The following CPNE2 variants were observed in gnomAD, a reference collection of about 807,000 sequenced individuals.
The protein encoded by CPNE2 is copine 2.
In CPNE2, 42 loss-of-function variants were observed where a neutral mutation model predicts 69.7. That is an observed-to-expected ratio of 0.60 (90% confidence interval 0.47 to 0.78). The LOEUF (loss-of-function observed/expected upper bound fraction) is 0.78, where lower values mean the gene tolerates loss of function less well. Ranked by LOEUF, CPNE2 falls within the 30% of genes least tolerant of loss-of-function variation. CPNE2 has a pLI of 0.00. For synonymous variants in CPNE2, 294 were observed against 289.8 expected (o/e 1.01, Z -0.15); for missense variants, 587 against 732.0 (o/e 0.80, Z 2.29).
chr16:57,096,671 C>A (rs1462724960), intron 1 of CPNE2, among the ~76,000 whole-genome samples: 2 of 149,872 alleles, frequency 1.3e-5, no homozygotes, highest in East Asian at 2.0e-4. Context: ...TGTACTCCAA[C>A]CTCGGTGAAA....
At chr16:57,110,224 CTTTTTT>C (rs145923720) in intron 1 of CPNE2, among the ~76,000 whole-genome samples, 1 of 119,058 alleles carries the variant, frequency 8.4e-6, no homozygotes, top group Non-Finnish European at 1.8e-5. Context: ...CTTTTCTTTT[CTTTTTT>C]TTTTTTTTTT....
rs56033855 is a variant in CPNE2, at chr16:57,146,351, G to C, written c.1539+30G>C. Reference sequence around the variant, plus strand: ...GTGTGGGCCTGGGCTGGGAGGGGGCGGTTACAGGATCCCAGCCACCATAGC... The same window carrying C: ...GTGTGGGCCTGGGCTGGGAGGGGGCCGTTACAGGATCCCAGCCACCATAGC... On this transcript the variant is annotated intron_variant, in intron 15 of 15. Coordinates refer to ENST00000290776, the MANE Select transcript of CPNE2 (RefSeq NM_152727.6). The surrounding 1 kb of genome is among the most constrained non-coding windows in gnomAD (Gnocchi z 4.4). 3 of 1,507,794 alleles carry C rather than the reference G, an allele frequency of 2.0e-6. No individual in the cohort carries two copies. The highest frequency in any genetic ancestry group is 1.4e-5 in the African/African-American group (1 of 72,456). The allele number at this position is 1,507,794 out of a possible 1,614,324, so 93.4% of individuals were successfully genotyped here.
intron 1 of CPNE2, among the ~76,000 whole-genome samples, chr16:57,098,531 G>A (rs1410747350): frequency 2.6e-5 from 4 of 152,224 alleles, no homozygotes; most frequent in African/African-American, 9.7e-5. Context: ...GGGCAGCCAG[G>A]CTGTGGCCAG....
rs776650103 is a variant in CPNE2 at position 57,146,248 on chromosome 16, T to C, written c.1466T>C (p.Met489Thr). 3 of 1,559,110 alleles carry C rather than the reference T, an allele frequency of 1.9e-6. No homozygotes were observed. Among genetic ancestry groups the C allele is most frequent in the Non-Finnish European group, 2.6e-6 (3 of 1,150,842 alleles). ...AMEFLDGDSR[M>T]LRSHTGEEAA... ...GAGTTCCTGGATGGGGACAGCCGCA[T>C]GCTGCGCTCCCACACGGGGGAGGAG... Residue 489 changes from methionine to threonine, a missense_variant, in exon 15 of 16, where the codon ATG becomes ACG. Coordinates refer to ENST00000290776, the MANE Select transcript of CPNE2 (RefSeq NM_152727.6). The surrounding 1 kb of genome is among the most constrained non-coding windows in gnomAD (Gnocchi z 4.4).
intron 1 of CPNE2, among the ~76,000 whole-genome samples, chr16:57,107,589 G>A (rs2069655730): frequency 6.6e-6 from 1 of 152,218 alleles, no homozygotes; most frequent in South Asian, 2.1e-4. Context: ...GATCCTTCCT[G>A]CCTGGAGGAC....
At chr16:57,102,145 G>T (rs2069618582) in intron 1 of CPNE2, among the ~76,000 whole-genome samples, 1 of 152,102 alleles carries the variant, frequency 6.6e-6, no homozygotes, top group African/African-American at 2.4e-5. Context: ...TAGAGACAGG[G>T]TTTCACTATG....
intron 1 of CPNE2, among the ~76,000 whole-genome samples, chr16:57,093,713 A>G (rs995008829): frequency 6.6e-6 from 1 of 152,190 alleles, no homozygotes; most frequent in Non-Finnish European, 1.5e-5. Flanking sequence ...GATCTTCCAG[A>G]CAAAACGCCC....
chr16:57,118,554 C>T (rs2145255606), intron 5 of CPNE2, among the ~76,000 whole-genome samples: 1 of 152,144 alleles, frequency 6.6e-6, no homozygotes, highest in East Asian at 1.9e-4. Context: ...CAGCGGCTCA[C>T]ACCTGTAATC....
At chr16:57,128,153 G>A (rs2069813605) in intron 12 of CPNE2, among the ~76,000 whole-genome samples, 1 of 152,192 alleles carries the variant, frequency 6.6e-6, no homozygotes, top group African/African-American at 2.4e-5. Context: ...ATTGCCAGAT[G>A]TCGCAAATCA....
At chr16:57,115,015 G>A (rs527554367) in intron 3 of CPNE2, among the ~76,000 whole-genome samples, 2 of 151,770 alleles carry the variant, frequency 1.3e-5, no homozygotes, top group Admixed American at 1.3e-4. Flanking sequence ...GCTGAGGTGG[G>A]AGGATCGCTT....
chr16:57,119,610 T>G lies in CPNE2; in HGVS notation c.641T>G (p.Leu214Trp), dbSNP rs1488469005. The G allele has an allele frequency of 6.2e-7, 1 of 1,613,070 alleles. No homozygotes were observed. Among genetic ancestry groups the G allele is most frequent in the South Asian group, 1.1e-5 (1 of 90,806 alleles). The change falls in exon 7 of 16, where the codon TTG (leucine) becomes TGG (tryptophan). Residue 214 changes from leucine to tryptophan, a missense_variant. Transcript: ENST00000290776. ...DPVWKPFTVPLVSLCDGDMEK... is the reference protein window; with the variant it reads ...DPVWKPFTVPWVSLCDGDMEK... ...GTGTGGAAGCCATTCACAGTGCCCT[T>G]GGTGTCCCTGTGTGATGGGGACATG...
intron 1 of CPNE2, among the ~76,000 whole-genome samples, chr16:57,093,724 T>C (rs2069559939): frequency 6.6e-6 from 1 of 151,998 alleles, no homozygotes; most frequent in African/African-American, 2.4e-5. Flanking sequence ...CAAAACGCCC[T>C]TTTTTTTGTC....
chr16:57,125,372 C>T (rs765264176), intron 10 of CPNE2: 1 of 456,096 alleles, frequency 2.2e-6, no homozygotes, highest in South Asian at 1.5e-5. Context: ...AGGTCCCAGG[C>T]CCCTTGGTGG....
intron 14 of CPNE2, among the ~76,000 whole-genome samples, chr16:57,137,650 C>G (rs1431654506): frequency 3.9e-5 from 6 of 152,218 alleles, no homozygotes; most frequent in Non-Finnish European, 8.8e-5. Flanking sequence ...CAGAGCTGCC[C>G]CTGCCTTACA....
chr16:57,141,261 G>A (rs1326438993), intron 14 of CPNE2: 2 of 152,310 alleles, frequency 1.3e-5, no homozygotes, highest in African/African-American at 4.8e-5. Context: ...TGTGTGTTCT[G>A]GGGAGCAGCT....
In CPNE2 at chr16:57,110,910, C is replaced by G; in HGVS notation, c.168C>G (p.Gly56=). The change falls in exon 2 of 16, where the codon GGC becomes GGG. Residue 56 remains glycine (G), a synonymous_variant. Coordinates refer to ENST00000290776, the MANE Select transcript of CPNE2 (RefSeq NM_152727.6). ...PFCVLFTENN[G]RWIEYDRTET... ...GTGTCCTCTTTACAGAGAACAATGG[C>G]AGATGGATCGAGGTGAGGCTCTTCC... The G allele has an allele frequency of 1.2e-6, 2 of 1,610,830 alleles. No individual in the cohort carries two copies. The highest frequency in any genetic ancestry group is 1.7e-6 in the Non-Finnish European group (2 of 1,178,336).
At chr16:57,121,394 C>T (rs1220957076) in intron 8 of CPNE2, among the ~76,000 whole-genome samples, 2 of 152,080 alleles carry the variant, frequency 1.3e-5, no homozygotes, top group African/African-American at 2.4e-5. Context: ...ATGATGCAGG[C>T]GAAGTGCCCA....
In CPNE2 at chr16:57,092,655, C is replaced by T. The variant is rs1352150167; in HGVS notation, c.-171C>T. ...AGCGCACGCGAGCGGGCCGTGGCCG[C>T]GCGGGCAGCGCCCTGAGCCTGTCCC... On this transcript the variant is annotated 5_prime_UTR_variant, in exon 1 of 16. Coordinates refer to ENST00000290776, the MANE Select transcript of CPNE2 (RefSeq NM_152727.6). The surrounding 1 kb of genome is among the most constrained non-coding windows in gnomAD (Gnocchi z 5.3). 1.3e-5 allele frequency: 2 copies of T among 148,612 alleles called. No homozygotes were observed. The highest frequency in any genetic ancestry group is 1.3e-4 in the Admixed American group (2 of 14,880). The allele number at this position is 148,612 out of a possible 1,614,324, so 9.2% of individuals were successfully genotyped here. A position where few individuals can be genotyped will look rare whatever the true frequency, so the allele number is the denominator to read the frequency against.
intron 12 of CPNE2, among the ~76,000 whole-genome samples, chr16:57,133,116 G>GC (rs1456446394): frequency 2.0e-5 from 3 of 152,036 alleles, no homozygotes; most frequent in Non-Finnish European, 4.4e-5. Flanking sequence ...CTCCATACAA[G>GC]CCCCCCTCGT....
Sources: allele counts gnomAD v4.1 joint callset (sites outside exome capture counted in the v4.1 genomes callset), GRCh38; gene constraint gnomAD v4.1.1; non-coding constraint Gnocchi (gnomAD v3.1); transcripts MANE v1.5; gene names NCBI Gene and HGNC (gene_info 2026-07-23, HGNC 2026-07-21).